BATF2: variants seen among roughly 807,000 people sequenced by gnomAD.
BATF2 encodes basic leucine zipper transcriptional factor ATF-like 2.
A neutral mutation model predicts 7.3 loss-of-function variants in BATF2; 4 were observed. The observed-to-expected ratio is 0.55, with a 90% CI of 0.27 to 1.26. The LOEUF (loss-of-function observed/expected upper bound fraction) is 1.26, where lower values mean the gene tolerates loss of function less well. Ranked by LOEUF, BATF2 falls within the 50% of genes most tolerant of loss-of-function variation. BATF2 has a pLI of 0.11. For missense variants in BATF2, 295 were observed against 340.5 expected (o/e 0.87, Z 1.05); for synonymous variants, 152 against 153.9 (o/e 0.99, Z 0.09).
At chr11:64,994,613 C>A in intron 1 of BATF2, 64 bp from the exon 2 acceptor site, 1 of 1,460,342 alleles carries the variant, frequency 6.8e-7, no homozygotes, top group African/African-American at 1.4e-5. Flanking sequence ...CGTCCTGGCC[C>A]GCCATTTGTA....
At chr11:64,990,412 C>T in intron 2 of BATF2, 1 of 1,384,258 alleles carries the variant, frequency 7.2e-7, no homozygotes, top group South Asian at 1.5e-5. Flanking sequence ...TGATGTCATT[C>T]TGTCCTAGAT....
At chr11:64,994,305 G>C in intron 2 of BATF2, 143 bp downstream of exon 2, 1 of 757,862 alleles carries the variant, frequency 1.3e-6, no homozygotes, top group Non-Finnish European at 2.2e-6. Flanking sequence ...TCAGCCACAG[G>C]ATCCTTTTCT....
At chr11:64,991,226 G>T (rs925199131) in intron 2 of BATF2, among the ~76,000 whole-genome samples, 1 of 145,568 alleles carries the variant, frequency 6.9e-6, no homozygotes, top group Admixed American at 7.2e-5. Flanking sequence ...GCATAATCTC[G>T]GCTCACTGCA....
intron 1 of BATF2, among the ~76,000 whole-genome samples, chr11:64,996,382 G>A (rs546719272): frequency 1.0e-3 from 153 of 151,918 alleles, no homozygotes; most frequent in Non-Finnish European, 1.9e-3. Flanking sequence ...TCAGCCTCTC[G>A]AGTAGCTGAG....
At chr11:64,995,608 A>G (rs1021929265) in intron 1 of BATF2, among the ~76,000 whole-genome samples, 11 of 152,156 alleles carry the variant, frequency 7.2e-5, no homozygotes. Flanking sequence ...TGAAACTTAG[A>G]TAAAATATTT....
intron 2 of BATF2, among the ~76,000 whole-genome samples, chr11:64,991,011 C>T (rs1438050142): frequency 2.0e-5 from 3 of 151,880 alleles, no homozygotes; most frequent in Admixed American, 6.6e-5. Flanking sequence ...AGGATGGTCT[C>T]GATCTCCTGA....
At chr11:64,993,800 AC>A (rs930498899) in intron 2 of BATF2, among the ~76,000 whole-genome samples, 1 of 148,958 alleles carries the variant, frequency 6.7e-6, no homozygotes, top group Non-Finnish European at 1.5e-5. Flanking sequence ...AGAATAATCC[AC>A]TTTTTTTTTT....
rs1946056585 is a variant in BATF2, at chr11:64,989,609, ATGT to A, written c.342_344del (p.Gln114del). On this transcript the variant is annotated inframe_deletion, in exon 3 of 3. Transcript: ENST00000301887. The surrounding 1 kb of genome is among the most constrained non-coding windows in gnomAD (Gnocchi z 4.3). ...ACAGCTCCAGCTGCTCCCGGCAGCCATGTTGTCCCTGTGGGCCAGGGCCCAGGA... is the reference window on the plus strand; with the variant it reads ...ACAGCTCCAGCTGCTCCCGGCAGCCATGTCCCTGTGGGCCAGGGCCCAGGA... 6.2e-7 allele frequency: 1 copy of A among 1,608,746 alleles called. No homozygotes were observed. Among genetic ancestry groups the A allele is most frequent in the African/African-American group, 1.3e-5 (1 of 74,784 alleles).
intron 2 of BATF2, among the ~76,000 whole-genome samples, chr11:64,993,229 G>T (rs139627231): frequency 3.3e-5 from 5 of 152,032 alleles, no homozygotes; most frequent in African/African-American, 1.2e-4. Context: ...GCGTAGTGGC[G>T]CATGCCTGTA....
At chr11:64,990,704 C>G in intron 2 of BATF2, 1 of 769,908 alleles carries the variant, frequency 1.3e-6, no homozygotes, top group Non-Finnish European at 1.6e-6. Context: ...TGAACGACTT[C>G]CTTCAGTCCC....
Position 64,989,015 on chromosome 11 carries a change from G to T in BATF2, c.*114C>A. ...GCTTCCTTTTCGACTGTGAAATCCT[G>T]GGCCAGCTGGTCAGCCACGCAGGGC... On this transcript the variant is annotated 3_prime_UTR_variant, in exon 3 of 3. Coordinates refer to ENST00000301887, the MANE Select transcript of BATF2 (RefSeq NM_138456.4). This position sits in a 1 kb window ranked among gnomAD's most constrained non-coding sequence, Gnocchi z 4.3. 1 of 1,212,310 alleles carries T rather than the reference G, an allele frequency of 8.2e-7. No homozygotes were observed. The highest frequency in any genetic ancestry group is 1.2e-6 in the Non-Finnish European group (1 of 832,318). The allele number at this position is 1,212,310 out of a possible 1,614,324, so 75.1% of individuals were successfully genotyped here.
chr11:64,988,030 G>A lies in BATF2; in HGVS notation c.*1099C>T, dbSNP rs1946036788. On this transcript the variant is annotated 3_prime_UTR_variant, in exon 3 of 3. Transcript: ENST00000301887. ...GGAGTGTGTTAGATACTAACATAGT[G>A]TTTCATTTACATGTGTGTGAAACCT... is the stretch of plus-strand genomic sequence containing the variant. 1 of 152,168 alleles carries A rather than the reference G, an allele frequency of 6.6e-6. No individual in the cohort carries two copies. Among genetic ancestry groups the A allele is most frequent in the African/African-American group, 2.4e-5 (1 of 41,422 alleles). 9.4% of individuals were successfully genotyped at this position (152,168 alleles called of 1,614,324 possible). A position where few individuals can be genotyped will look rare whatever the true frequency, so the allele number is the denominator to read the frequency against.
At chr11:64,992,676 C>T (rs1436990917) in intron 2 of BATF2, among the ~76,000 whole-genome samples, 1 of 151,578 alleles carries the variant, frequency 6.6e-6, no homozygotes, top group East Asian at 2.0e-4. Context: ...GCCTGGGCTA[C>T]ATGGAGAAAC....
At chr11:64,993,097 C>T (rs1313310070) in intron 2 of BATF2, among the ~76,000 whole-genome samples, 3 of 151,708 alleles carry the variant, frequency 2.0e-5, no homozygotes, top group Admixed American at 6.6e-5. Context: ...CAGTGGTTCA[C>T]GCCTGTAATC....
chr11:64,989,771 C>T lies in BATF2; in HGVS notation c.183G>A (p.Lys61=). 6.2e-7 allele frequency: 1 copy of T among 1,613,992 alleles called. No individual in the cohort carries two copies. Among genetic ancestry groups the T allele is most frequent in the Non-Finnish European group, 8.5e-7 (1 of 1,180,026 alleles). ...GCTCGGCCTGCAGGGACTGGATCTC[C>T]TTCCGCAGGGCGAGGTTGTCTTTTT... ...SLEKDNLALR[K]EIQSLQAELA... Residue 61 remains lysine (K), a synonymous_variant, in exon 3 of 3, where the codon AAG becomes AAA. Coordinates refer to ENST00000301887, the MANE Select transcript of BATF2 (RefSeq NM_138456.4). The surrounding 1 kb of genome is among the most constrained non-coding windows in gnomAD (Gnocchi z 4.3).
chr11:64,994,394 C>A, intron 2 of BATF2, 54 bp downstream of exon 2: 1 of 1,512,068 alleles, frequency 6.6e-7, no homozygotes, highest in Middle Eastern at 1.7e-4. Flanking sequence ...GAAGAGGTGG[C>A]TGGGCCAGTA....
chr11:64,991,924 C>T (rs574840590), intron 2 of BATF2, among the ~76,000 whole-genome samples: 8 of 152,350 alleles, frequency 5.3e-5, no homozygotes, highest in African/African-American at 1.9e-4. Context: ...CTGCTCCCCA[C>T]GCCTGTGCCA....
At chr11:64,993,169 G>A (rs1946089120) in intron 2 of BATF2, among the ~76,000 whole-genome samples, 1 of 152,170 alleles carries the variant, frequency 6.6e-6, no homozygotes, top group Non-Finnish European at 1.5e-5. Context: ...AGACCAGCCT[G>A]GCCAACATGG....
chr11:64,991,153 A>AT (rs986602706), intron 2 of BATF2, among the ~76,000 whole-genome samples: 15,330 of 112,946 alleles, frequency 0.14, 1,481 homozygotes, highest in South Asian at 0.27. Context: ...GGAATGATGA[A>AT]TTTTTTTTTT....
Sources: gnomAD v4.1 joint callset for allele counts (sites outside exome capture counted in the v4.1 genomes callset) on GRCh38, gnomAD v4.1.1 for gene constraint, Gnocchi (gnomAD v3.1) non-coding constraint, MANE v1.5 for transcripts, NCBI Gene and HGNC (gene_info 2026-07-23, HGNC 2026-07-21) for gene names.